The following MOV10L1 variants were observed in gnomAD, a reference collection of about 807,000 sequenced individuals.
The protein encoded by MOV10L1 is Mov10 like RNA helicase 1.
MOV10L1 carries 110 observed loss-of-function variants against 143.8 expected under a neutral mutation model. The ratio of observed to expected loss-of-function variants is 0.76; its 90% CI spans 0.66 to 0.90. The LOEUF (loss-of-function observed/expected upper bound fraction) is 0.90. MOV10L1 is among the 40% of genes least tolerant of loss of function. MOV10L1 has a pLI of 0.00. For missense variants in MOV10L1, 1,406 were observed against 1,526.8 expected (o/e 0.92, Z 1.32); for synonymous variants, 593 against 581.1 (o/e 1.02, Z -0.29).
At chr22:50,106,104 T>C (rs2061858247) in intron 3 of MOV10L1, among the ~76,000 whole-genome samples, 2 of 152,232 alleles carry the variant, frequency 1.3e-5, no homozygotes, top group African/African-American at 2.4e-5. Flanking sequence ...TTCACCATAA[T>C]GTCAAATATT....
Position 50,114,562 on chromosome 22 carries a change from AAAAAC to A in MOV10L1, c.1072_1076del (p.Lys358LeufsTer18), listed in dbSNP as rs771398372. ...TATTAATTCATTAAATAGCCACACA[AAAAAC>A]AAAACCTCTCAGATGTCGGAGAGCA... is the stretch of plus-strand genomic sequence containing the variant. On this transcript the variant is annotated frameshift_variant, in exon 7 of 27. Coordinates refer to ENST00000262794, the MANE Select transcript of MOV10L1 (RefSeq NM_018995.3). LOFTEE classifies it high-confidence loss of function. 2 of 1,614,220 alleles carry A rather than the reference AAAAAC, an allele frequency of 1.2e-6. No homozygotes were observed. The highest frequency in any genetic ancestry group is 8.5e-7 in the Non-Finnish European group (1 of 1,180,034).
At chr22:50,102,833 A>G (rs138211) in intron 3 of MOV10L1, among the ~76,000 whole-genome samples, 82,558 of 151,896 alleles carry the variant, frequency 0.54, 23,030 homozygotes, top group Admixed American at 0.64. Context: ...CCTGGGAGGC[A>G]GAGGTTGCGG....
chr22:50,140,594 T>C (rs1354473240), intron 15 of MOV10L1, among the ~76,000 whole-genome samples: 1 of 152,204 alleles, frequency 6.6e-6, no homozygotes, highest in East Asian at 1.9e-4. Context: ...TCTTATAGTG[T>C]TTTAAAAAGT....
intron 15 of MOV10L1, among the ~76,000 whole-genome samples, chr22:50,137,758 A>T (rs138258): frequency 1.8e-5 from 2 of 109,918 alleles, no homozygotes; most frequent in Non-Finnish European, 4.4e-5. Flanking sequence ...TACATATATA[A>T]ATATACATAT....
rs1208957838 is a variant in MOV10L1 at position 50,114,368 on chromosome 22, T to C, written c.885-13T>C. ...AATCCTGGCTGTGTTCATAGTTAAT[T>C]GTATTTTTCCAGGAATAAAGGAGAC... On this transcript the variant is annotated splice_polypyrimidine_tract_variant and intron_variant, in intron 6 of 26. Coordinates refer to ENST00000262794, the MANE Select transcript of MOV10L1 (RefSeq NM_018995.3). 26 of 1,610,960 alleles carry C rather than the reference T, an allele frequency of 1.6e-5. No individual in the cohort carries two copies. In the Admixed American group the frequency reaches 4.4e-4, roughly 27 times the overall value.
rs757032919 is a variant in MOV10L1 at position 50,150,870 on chromosome 22, G to A, written c.2863G>A (p.Gly955Ser). 22 of 1,614,022 alleles carry A rather than the reference G, an allele frequency of 1.4e-5. No individual in the cohort carries two copies. Among genetic ancestry groups the A allele is most frequent in the South Asian group, 9.9e-5 (9 of 91,082 alleles). The change falls in exon 21 of 27, where the codon GGT becomes AGT. Residue 955 changes from glycine to serine, a missense_variant. Transcript: ENST00000262794. The part of the protein sequence containing the change: ...PAYQRDENAF[G>S]ACGAHNPLLV... ...GTACCAGAGGGACGAAAATGCTTTC[G>A]GTGCTTGTGGCGCACATAATCCCCT...
intron 21 of MOV10L1, 36 bp from the exon 22 acceptor site, chr22:50,153,009 A>G: frequency 6.4e-7 from 1 of 1,564,586 alleles, no homozygotes; most frequent in Non-Finnish European, 8.7e-7. Flanking sequence ...GCCGGGTACC[A>G]CCTTCCCCTT....
Position 50,108,667 on chromosome 22 carries a change from C to G in MOV10L1, c.566C>G (p.Ser189Cys), listed in dbSNP as rs138866704. 1.2e-5 allele frequency: 20 copies of G among 1,613,996 alleles called. No homozygotes were observed. The African/African-American group carries it at 2.4e-4, about 19-fold the overall frequency. Residue 189 changes from serine to cysteine, a missense_variant, in exon 5 of 27, where the codon TCT becomes TGT. Physicochemically the swap from Ser to Cys is moderately radical, Grantham distance 112 (BLOSUM62 -1). This residue lies in a region of MOV10L1 where 1,233 missense variants were observed against 1,351.4 expected (regional missense o/e 0.91). Coordinates refer to ENST00000262794, the MANE Select transcript of MOV10L1 (RefSeq NM_018995.3). ...GCTCTCTGCTCCCAGGTCTGCATCTCTAGCCTCTGTGGAAGGAACGGGGTG... is the reference window on the plus strand; with the variant it reads ...GCTCTCTGCTCCCAGGTCTGCATCTGTAGCCTCTGTGGAAGGAACGGGGTG... ...RYKRVDKVCI[S>C]SLCGRNGVLE...
chr22:50,123,196 CAA>C lies in MOV10L1; in HGVS notation c.1570-2175_1570-2174del, dbSNP rs71198219. Among the ~76,000 whole-genome samples, 1,007 of 101,404 alleles carry C rather than the reference CAA, an allele frequency of 9.9e-3. 3 individuals are homozygous for C. The highest frequency in any genetic ancestry group is 0.012 in the Non-Finnish European group (645 of 52,686). The allele number at this position is 101,404 out of a possible 152,430, so 66.5% of individuals were successfully genotyped here. A position where few individuals can be genotyped will look rare whatever the true frequency, so the allele number is the denominator to read the frequency against. On this transcript the variant is annotated intron_variant, in intron 10 of 26. Coordinates refer to ENST00000262794, the MANE Select transcript of MOV10L1 (RefSeq NM_018995.3). Reference sequence around the variant, plus strand: ...TGGTGACAGAGGGAAACTCATGTCTCAAAAAAAAAAAAAAAAAAAAAATTCAA... The same window carrying C: ...TGGTGACAGAGGGAAACTCATGTCTCAAAAAAAAAAAAAAAAAAAATTCAA...
rs1018225647 is a variant in MOV10L1, at chr22:50,158,455, A to G, written c.3216+249A>G. 33 of 508,508 alleles carry G rather than the reference A, an allele frequency of 6.5e-5. No homozygotes were observed. Among genetic ancestry groups the G allele is most frequent in the Non-Finnish European group, 9.7e-5 (28 of 288,190 alleles). 31.5% of individuals were successfully genotyped at this position (508,508 alleles called of 1,614,324 possible). On this transcript the variant is annotated intron_variant, in intron 23 of 26. Transcript: ENST00000262794. The surrounding 1 kb of genome is among the most constrained non-coding windows in gnomAD (Gnocchi z 5.0). Reference sequence around the variant, plus strand: ...AGTTTTTACATTTCTAAATGGTTACATTTATATGTCCCTTGATATTTGGCC... The same window carrying G: ...AGTTTTTACATTTCTAAATGGTTACGTTTATATGTCCCTTGATATTTGGCC...
Position 50,108,755 on chromosome 22 carries a change from G to T in MOV10L1, c.654G>T (p.Arg218=). 6.2e-7 allele frequency: 1 copy of T among 1,614,232 alleles called. No homozygotes were observed. Among genetic ancestry groups the T allele is most frequent in the Non-Finnish European group, 8.5e-7 (1 of 1,180,038 alleles). The change falls in exon 5 of 27, where the codon CGG becomes CGT. Residue 218 remains arginine, a synonymous_variant. Transcript: ENST00000262794. The part of the protein sequence containing the change: ...SLKLPDGYTP[R]RGDVVNAVVV... ...AACTGCCAGATGGGTACACACCCCGGAGAGGTGACGTGGTCAATGCAGTGG... is the reference window on the plus strand; with the variant it reads ...AACTGCCAGATGGGTACACACCCCGTAGAGGTGACGTGGTCAATGCAGTGG...
At chr22:50,126,351 C>A in intron 12 of MOV10L1, 79 bp downstream of exon 12, 1 of 1,028,970 alleles carries the variant, frequency 9.7e-7, no homozygotes, top group South Asian at 1.4e-5. Flanking sequence ...CTCCCCACGG[C>A]TCTTGGGGAG....
chr22:50,142,649 C>T (rs535873907), intron 16 of MOV10L1, among the ~76,000 whole-genome samples: 1 of 150,860 alleles, frequency 6.6e-6, no homozygotes, highest in South Asian at 2.1e-4. Flanking sequence ...GACAACATGG[C>T]GAAACCTTGT....
At position 50,150,849 on chromosome 22, in the gene MOV10L1, C is replaced by A. The variant is rs1329382879; in HGVS notation, c.2842C>A (p.Gln948Lys). 2 of 1,614,232 alleles carry A rather than the reference C, an allele frequency of 1.2e-6. No individual in the cohort carries two copies. The change falls in exon 21 of 27, where the codon CAG becomes AAG. Residue 948 changes from glutamine to lysine, a missense_variant. Around this residue, in one of 3 missense-constraint regions of MOV10L1, gnomAD observed 1,233 missense variants for 1,351.4 expected, o/e 0.91. Transcript: ENST00000262794. Reference sequence around the variant, plus strand: ...ACGGCTGATGTCTCGACCCGCGTACCAGAGGGACGAAAATGCTTTCGGTGC... The same window carrying A: ...ACGGCTGATGTCTCGACCCGCGTACAAGAGGGACGAAAATGCTTTCGGTGC... ...LERLMSRPAY[Q>K]RDENAFGACG...
At chr22:50,142,627 G>A (rs1373900648) in intron 16 of MOV10L1, among the ~76,000 whole-genome samples, 2 of 151,554 alleles carry the variant, frequency 1.3e-5, no homozygotes, top group African/African-American at 2.4e-5. Flanking sequence ...TCAGGAGTTC[G>A]AGACCAACCT....
chr22:50,133,454 T>TAA (rs138255), intron 13 of MOV10L1, among the ~76,000 whole-genome samples: 19 of 127,266 alleles, frequency 1.5e-4, no homozygotes, highest in Non-Finnish European at 2.6e-4. Context: ...GCAGAGTCTC[T>TAA]AAAAAAAAAA....
chr22:50,123,403 T>C (rs953495157), intron 10 of MOV10L1, among the ~76,000 whole-genome samples: 3 of 151,780 alleles, frequency 2.0e-5, no homozygotes, highest in African/African-American at 7.3e-5. Flanking sequence ...CTCACTGTGT[T>C]GCCCAGGCTG....
chr22:50,101,406 G>A (rs1397797347), intron 3 of MOV10L1, among the ~76,000 whole-genome samples: 4 of 151,854 alleles, frequency 2.6e-5, no homozygotes, highest in South Asian at 2.1e-4. Context: ...TAGTAGAGAC[G>A]GGGTTTCAAT....
intron 3 of MOV10L1, among the ~76,000 whole-genome samples, chr22:50,107,097 C>T (rs929311303): frequency 3.3e-5 from 5 of 150,668 alleles, no homozygotes; most frequent in African/African-American, 1.2e-4. Context: ...TTTTTTGAGA[C>T]GGTGTCTCGC....
Sources: allele counts gnomAD v4.1 joint callset (sites outside exome capture counted in the v4.1 genomes callset), GRCh38; gene constraint gnomAD v4.1.1; regional missense constraint gnomAD v4.1.1; non-coding constraint Gnocchi (gnomAD v3.1); transcripts MANE v1.5; gene names NCBI Gene and HGNC (gene_info 2026-07-23, HGNC 2026-07-21).